The following RGS7 variants were observed in gnomAD, a reference collection of about 807,000 sequenced individuals.
RGS7 encodes regulator of G-protein signaling 7.
A neutral mutation model predicts 81.1 loss-of-function variants in RGS7; 27 were observed. The observed-to-expected ratio is 0.33, with a 90% CI of 0.25 to 0.46. The LOEUF (loss-of-function observed/expected upper bound fraction) is 0.46. RGS7 is among the 20% of genes least tolerant of loss of function. RGS7 has a pLI of 1.00. For synonymous variants in RGS7, 208 were observed against 207.7 expected, an observed-to-expected ratio of 1.00 and a Z score of -0.01; for missense variants, 396 against 607.4, an observed-to-expected ratio of 0.65 and a Z score of 3.66.
intron 2 of RGS7, among the ~76,000 whole-genome samples, chr1:241,351,310 T>G (rs2083234686): frequency 6.6e-6 from 1 of 151,664 alleles, no homozygotes; most frequent in Non-Finnish European, 1.5e-5. Context: ...TCCCAGCTAC[T>G]TGGGAGGCTG....
chr1:240,869,662 G>A (rs1332892529), intron 7 of RGS7, among the ~76,000 whole-genome samples: 1 of 152,176 alleles, frequency 6.6e-6, no homozygotes, highest in Non-Finnish European at 1.5e-5. Context: ...GAATGAGGCT[G>A]GGCGTGGTGG....
intron 2 of RGS7, among the ~76,000 whole-genome samples, chr1:241,294,373 G>T (rs1460203258): frequency 2.6e-5 from 4 of 151,984 alleles, no homozygotes; most frequent in African/African-American, 9.7e-5. Context: ...AACCACCATG[G>T]CACATGTATA....
intron 2 of RGS7, among the ~76,000 whole-genome samples, chr1:241,261,106 CA>C (rs920114427): frequency 5.3e-5 from 8 of 150,186 alleles, no homozygotes; most frequent in South Asian, 4.3e-4. Flanking sequence ...ACAAAACAAA[CA>C]AAAAAAAACA....
intron 2 of RGS7, among the ~76,000 whole-genome samples, chr1:241,131,178 G>A (rs1322958411): frequency 2.0e-5 from 3 of 152,032 alleles, no homozygotes; most frequent in African/African-American, 4.8e-5. Context: ...CCAGTGTCAT[G>A]CATGAGTCAT....
chr1:241,260,842 C>G (rs1272300157), intron 2 of RGS7, among the ~76,000 whole-genome samples: 2 of 146,274 alleles, frequency 1.4e-5, no homozygotes, highest in Non-Finnish European at 3.0e-5. Flanking sequence ...TTGGTTAAAA[C>G]AGACTTAAGG....
chr1:241,275,941 T>C (rs1178080056), intron 2 of RGS7, among the ~76,000 whole-genome samples: 2 of 152,216 alleles, frequency 1.3e-5, no homozygotes, highest in East Asian at 3.8e-4. Context: ...GACTCAGTCA[T>C]TTATTTGGAG....
intron 6 of RGS7, among the ~76,000 whole-genome samples, chr1:240,874,969 G>C (rs757578357): frequency 1.1e-4 from 17 of 152,122 alleles, no homozygotes; most frequent in Non-Finnish European, 5.9e-5. Flanking sequence ...TTGAACCCGG[G>C]AGGCGGGGGT....
At chr1:240,912,068 G>A (rs376317913) in intron 6 of RGS7, among the ~76,000 whole-genome samples, 8 of 144,730 alleles carry the variant, frequency 5.5e-5, no homozygotes, top group East Asian at 4.5e-4. Context: ...AGAGAATGGC[G>A]TGAACCCATG....
chr1:241,116,231 A>T (rs545963455), intron 2 of RGS7, among the ~76,000 whole-genome samples: 2 of 152,316 alleles, frequency 1.3e-5, no homozygotes, highest in East Asian at 3.9e-4. Flanking sequence ...AATTTTAGAA[A>T]TTTTTATTGT....
chr1:241,336,013 TTC>T (rs1482918244), intron 2 of RGS7, among the ~76,000 whole-genome samples: 1 of 152,196 alleles, frequency 6.6e-6, no homozygotes, highest in Non-Finnish European at 1.5e-5. Flanking sequence ...CTTCTTCTTC[TTC>T]TTTTTCCTTT....
At chr1:241,121,416 A>G (rs1425871069) in intron 2 of RGS7, among the ~76,000 whole-genome samples, 1 of 152,174 alleles carries the variant, frequency 6.6e-6, no homozygotes, top group Non-Finnish European at 1.5e-5. Context: ...AAGGACAACA[A>G]AAGGAAAAGA....
intron 4 of RGS7, among the ~76,000 whole-genome samples, chr1:240,940,664 G>A (rs1677440185): frequency 6.6e-6 from 1 of 152,150 alleles, no homozygotes; most frequent in South Asian, 2.1e-4. Flanking sequence ...ACAGTAAGAG[G>A]AGCTTCTGAG....
intron 18 of RGS7, among the ~76,000 whole-genome samples, chr1:240,783,421 A>G (rs1005711423): frequency 1.8e-4 from 27 of 151,828 alleles, no homozygotes; most frequent in African/African-American, 6.3e-4. Context: ...CATGAGTTTG[A>G]GACCAGCACG....
At chr1:240,902,082 A>C (rs947455591) in intron 6 of RGS7, among the ~76,000 whole-genome samples, 6 of 152,222 alleles carry the variant, frequency 3.9e-5, no homozygotes, top group Non-Finnish European at 8.8e-5. Flanking sequence ...AAGTTGTCCC[A>C]CAAAATGGTT....
chr1:240,867,711 GAAA>G (rs1314140512), intron 9 of RGS7, among the ~76,000 whole-genome samples: 1 of 152,110 alleles, frequency 6.6e-6, no homozygotes, highest in Non-Finnish European at 1.5e-5. Context: ...TTTTAAGAAA[GAAA>G]ATCAGGCTGG....
At chr1:240,844,051 T>C (rs1302144760) in intron 9 of RGS7, among the ~76,000 whole-genome samples, 1 of 152,156 alleles carries the variant, frequency 6.6e-6, no homozygotes, top group Non-Finnish European at 1.5e-5. Flanking sequence ...TTTGTACACA[T>C]TTTAAATCTT....
At chr1:241,296,701 T>G (rs1427196697) in intron 2 of RGS7, among the ~76,000 whole-genome samples, 1 of 152,222 alleles carries the variant, frequency 6.6e-6, no homozygotes, top group Non-Finnish European at 1.5e-5. Flanking sequence ...TACATTCTAG[T>G]CTGTGGCCTG....
chr1:240,899,425 G>A (rs911107840), intron 6 of RGS7, among the ~76,000 whole-genome samples: 1 of 152,180 alleles, frequency 6.6e-6, no homozygotes, highest in African/African-American at 2.4e-5. Flanking sequence ...GCTGGTACCA[G>A]TTGTTCCTTT....
At chr1:241,120,162 A>G (rs941970463) in intron 2 of RGS7, among the ~76,000 whole-genome samples, 1 of 152,158 alleles carries the variant, frequency 6.6e-6, no homozygotes, top group Non-Finnish European at 1.5e-5. Context: ...GGAGTTTTTA[A>G]TCATTTTCCC....
Sources: allele counts gnomAD v4.1 joint callset (sites outside exome capture counted in the v4.1 genomes callset), GRCh38; gene constraint gnomAD v4.1.1; transcripts MANE v1.5; gene names NCBI Gene and HGNC (gene_info 2026-07-23, HGNC 2026-07-21).